The following SPMIP7 variants were observed in gnomAD, a reference collection of about 807,000 sequenced individuals.
SPMIP7 encodes the protein protein SPMIP7.
chr7:50,131,178 C>T, the SPMIP7 span, among the ~76,000 whole-genome samples: 1 of 152,058 alleles, frequency 6.6e-6, no homozygotes, highest in Non-Finnish European at 1.5e-5. Flanking sequence ...GGGGAGAGTG[C>T]TGGCAGAAAA....
At chr7:50,126,162 A>C in the SPMIP7 span, among the ~76,000 whole-genome samples, 1 of 152,084 alleles carries the variant, frequency 6.6e-6, no homozygotes, top group Non-Finnish European at 1.5e-5. Context: ...GAAAGAATTA[A>C]TGAAAGTGAT....
chr7:50,141,121 T>A, the SPMIP7 span, among the ~76,000 whole-genome samples: 3 of 152,370 alleles, frequency 2.0e-5, no homozygotes, highest in East Asian at 5.8e-4. Context: ...TTATATTTTT[T>A]AAGGAAAATT....
At chr7:50,103,321 C>G in the SPMIP7 span, among the ~76,000 whole-genome samples, 1 of 152,080 alleles carries the variant, frequency 6.6e-6, no homozygotes, top group African/African-American at 2.4e-5. Context: ...ATAGGAGAAT[C>G]GATCTCTATG....
chr7:50,125,963 G>T, the SPMIP7 span, among the ~76,000 whole-genome samples: 3 of 151,818 alleles, frequency 2.0e-5, no homozygotes, highest in South Asian at 2.1e-4. Flanking sequence ...AAGATTTTTG[G>T]CATCCTCACC....
the SPMIP7 span, among the ~76,000 whole-genome samples, chr7:50,128,947 G>C: frequency 6.6e-6 from 1 of 151,920 alleles, no homozygotes; most frequent in Admixed American, 6.6e-5. Flanking sequence ...AAGCAGAGGG[G>C]AGGAAAACAG....
At chr7:50,126,021 A>T in the SPMIP7 span, among the ~76,000 whole-genome samples, 1 of 152,148 alleles carries the variant, frequency 6.6e-6, no homozygotes, top group Non-Finnish European at 1.5e-5. Context: ...GTGATGACAG[A>T]TGTGTTAATT....
the SPMIP7 span, among the ~76,000 whole-genome samples, chr7:50,128,513 A>G: frequency 6.6e-6 from 1 of 152,048 alleles, no homozygotes; most frequent in Non-Finnish European, 1.5e-5. Context: ...GGTGATGGAT[A>G]TTCCAATTAC....
the SPMIP7 span, among the ~76,000 whole-genome samples, chr7:50,125,261 C>T: frequency 0.48 from 21,087 of 44,134 alleles, 3,545 homozygotes; most frequent in East Asian, 0.53. Flanking sequence ...CATATATATA[C>T]ACACATATAT....
the SPMIP7 span, chr7:50,129,656 A>T: frequency 8.6e-7 from 1 of 1,159,638 alleles, no homozygotes; most frequent in Non-Finnish European, 1.2e-6. Context: ...TGATGACTAG[A>T]AAACAATAAC....
the SPMIP7 span, among the ~76,000 whole-genome samples, chr7:50,115,051 G>T: frequency 6.7e-6 from 1 of 150,272 alleles, no homozygotes; most frequent in Admixed American, 6.6e-5. Flanking sequence ...AAAAAAATTA[G>T]TACCCTACTT....
the SPMIP7 span, among the ~76,000 whole-genome samples, chr7:50,146,227 C>T: frequency 3.3e-5 from 5 of 152,114 alleles, no homozygotes; most frequent in Non-Finnish European, 7.4e-5. Flanking sequence ...AAGTTCTATC[C>T]CCATTTTGCA....
At chr7:50,134,607 A>T in the SPMIP7 span, among the ~76,000 whole-genome samples, 1 of 152,240 alleles carries the variant, frequency 6.6e-6, no homozygotes, top group Non-Finnish European at 1.5e-5. Context: ...CAGATAACCT[A>T]TGCTGAAGAT....
chr7:50,129,685 G>A, the SPMIP7 span: 2 of 1,358,720 alleles, frequency 1.5e-6, no homozygotes, highest in Non-Finnish European at 2.0e-6. Flanking sequence ...TTTATATTTG[G>A]TCTCTTTTAA....
the SPMIP7 span, chr7:50,104,289 C>T: frequency 3.9e-6 from 5 of 1,296,204 alleles, no homozygotes; most frequent in Non-Finnish European, 4.3e-6. Context: ...AACCAAAATC[C>T]CATTCGCTTT....
chr7:50,153,574 T>C, the SPMIP7 span, among the ~76,000 whole-genome samples: 7 of 152,246 alleles, frequency 4.6e-5, no homozygotes, highest in African/African-American at 1.4e-4. Flanking sequence ...TCACTTCTGT[T>C]GGCTGAGTGC....
the SPMIP7 span, among the ~76,000 whole-genome samples, chr7:50,102,893 A>G: frequency 6.6e-6 from 1 of 151,134 alleles, no homozygotes; most frequent in African/African-American, 2.4e-5. Flanking sequence ...GGTTAGGAAA[A>G]TGAAGCTCAG....
chr7:50,158,920 C>A, the SPMIP7 span: 1 of 915,100 alleles, frequency 1.1e-6, no homozygotes, highest in Non-Finnish European at 1.7e-6. Flanking sequence ...GTCATCCTCG[C>A]TCCCTGCCTG....
chr7:50,104,511 T>C, the SPMIP7 span: 1 of 356,272 alleles, frequency 2.8e-6, no homozygotes, highest in Non-Finnish European at 4.6e-6. Context: ...TTTGATATTG[T>C]ATGCCTTAGA....
At chr7:50,156,210 A>G in the SPMIP7 span, among the ~76,000 whole-genome samples, 1 of 152,310 alleles carries the variant, frequency 6.6e-6, no homozygotes, top group Admixed American at 6.5e-5. Flanking sequence ...GGCTCTTCAC[A>G]TCAAAAAGTA....
Sources: gnomAD v4.1 joint callset for allele counts (sites outside exome capture counted in the v4.1 genomes callset) on GRCh38, gnomAD v4.1.1 for gene constraint, MANE v1.5 for transcripts, NCBI Gene and HGNC (gene_info 2026-07-23, HGNC 2026-07-21) for gene names.